KIF14: variants seen among roughly 807,000 people sequenced by gnomAD.
The protein encoded by KIF14 is kinesin-like protein KIF14.
A neutral mutation model predicts 176.2 loss-of-function variants in KIF14; 98 were observed. The ratio of observed to expected loss-of-function variants is 0.56; its 90% confidence interval spans 0.47 to 0.66. The LOEUF is 0.66. Among genes scored for constraint, KIF14 ranks in the 30% least tolerant of loss-of-function variants. The pLI, the probability that KIF14 is intolerant of heterozygous loss-of-function variation, is 0.00. For missense variants in KIF14, 1,751 were observed against 1,920.4 expected (o/e 0.91, Z 1.65); for synonymous variants, 566 against 632.2 (o/e 0.90, Z 1.57).
chr1:200,595,927 A>T (rs138810625), intron 14 of KIF14, among the ~76,000 whole-genome samples: 3,198 of 135,282 alleles, frequency 0.024, 42 homozygotes, highest in Non-Finnish European at 0.035. Context: ...GTGAGACTCC[A>T]TCTCCAAAAA....
intron 3 of KIF14, among the ~76,000 whole-genome samples, chr1:200,614,873 A>T (rs1660334913): frequency 6.7e-6 from 1 of 148,664 alleles, no homozygotes; most frequent in Non-Finnish European, 1.5e-5. Context: ...TAGGACAGGT[A>T]TTATTATCAT....
At chr1:200,556,933 G>A (rs540059278) in intron 27 of KIF14, among the ~76,000 whole-genome samples, 3 of 152,316 alleles carry the variant, frequency 2.0e-5, no homozygotes, top group South Asian at 2.1e-4. Context: ...CTATTTGAGC[G>A]CAAGCTTGAT....
Position 200,553,454 on chromosome 1 carries a change from C to T in KIF14, c.4881G>A (p.Glu1627=), listed in dbSNP as rs771647826. The stretch of plus-strand genomic sequence containing the variant: ...TCACTGCTGGGGATGAGCCATGGAG[C>T]TCATAGACACGCTTTGGTACACCTT... ...KNKGVPKRVY[E]LHGSSPAVSS... is the part of the protein sequence containing the mutation. Residue 1627 remains glutamate, a synonymous_variant, in exon 30 of 30, where the codon GAG becomes GAA. Coordinates refer to ENST00000367350, the MANE Select transcript of KIF14 (RefSeq NM_014875.3). 6.2e-7 allele frequency: 1 copy of T among 1,614,066 alleles called. No individual in the cohort carries two copies. The highest frequency in any genetic ancestry group is 8.5e-7 in the Non-Finnish European group (1 of 1,180,012).
chr1:200,579,731 T>C (rs1658341778), intron 21 of KIF14, among the ~76,000 whole-genome samples: 1 of 152,130 alleles, frequency 6.6e-6, no homozygotes, highest in African/African-American at 2.4e-5. Context: ...ATATGTTTAG[T>C]TTCATTTTGG....
Position 200,580,293 on chromosome 1 carries a change from C to A in KIF14, c.3426G>T (p.Lys1142Asn). 1 of 1,503,112 alleles carries A rather than the reference C, an allele frequency of 6.7e-7. No individual in the cohort carries two copies. The highest frequency in any genetic ancestry group is 2.0e-5 in the Admixed American group (1 of 51,220). 93.1% of individuals were successfully genotyped at this position (1,503,112 alleles called of 1,614,324 possible). The change falls in exon 21 of 30, where the codon AAG (lysine) becomes AAT (asparagine). Residue 1142 changes from lysine to asparagine, a missense_variant. Lys to Asn is a moderately conservative substitution (Grantham distance 94). Coordinates refer to ENST00000367350, the MANE Select transcript of KIF14 (RefSeq NM_014875.3). Reference protein sequence around the residue: ...LGISTFWSLEKFESKLAAMKE... With the variant: ...LGISTFWSLENFESKLAAMKE... ...TCATTGCTGCAAGTTTAGATTCAAA[C>A]TTTTCCAGACTCCAGAATGTTGAGA... is the stretch of plus-strand genomic sequence containing the variant.
chr1:200,602,929 C>T lies in KIF14; in HGVS notation c.1979+297G>A, dbSNP rs565563978. Among the ~76,000 whole-genome samples, 17 of 152,278 alleles carry T rather than the reference C, an allele frequency of 1.1e-4. 1 individual carries two copies. In the South Asian group the frequency reaches 2.5e-3, roughly 22 times the overall value. On this transcript the variant is annotated intron_variant, in intron 10 of 29. Transcript: ENST00000367350. ...AACAGTTATTTACACTCATATAGTA[C>T]ATATTATGTATTAAGAATTGTACAC...
chr1:200,609,594 A>G (rs1017142529), intron 4 of KIF14, among the ~76,000 whole-genome samples: 1 of 152,226 alleles, frequency 6.6e-6, no homozygotes, highest in Non-Finnish European at 1.5e-5. Flanking sequence ...GGTTGCAGTG[A>G]GCTGAGATTG....
chr1:200,562,004 A>G (rs553126010), intron 25 of KIF14, among the ~76,000 whole-genome samples: 3 of 152,314 alleles, frequency 2.0e-5, no homozygotes, highest in Non-Finnish European at 4.4e-5. Context: ...ATAAAAAAGG[A>G]ATGAGGAAGC....
chr1:200,553,512 G>C lies in KIF14; in HGVS notation c.4823C>G (p.Ser1608Cys). 5.0e-6 allele frequency: 8 copies of C among 1,614,008 alleles called. No individual in the cohort carries two copies. Among genetic ancestry groups the C allele is most frequent in the Non-Finnish European group, 6.8e-6 (8 of 1,180,000 alleles). The change falls in exon 30 of 30, where the codon TCT becomes TGT. Residue 1608 changes from serine (S) to cysteine (C), a missense_variant. Ser to Cys is a moderately radical substitution (Grantham distance 112). Coordinates refer to ENST00000367350, the MANE Select transcript of KIF14 (RefSeq NM_014875.3). The part of the protein sequence containing the change: ...NQNTKEEHQQ[S>C]KSSGIDGSKN... ...ACTGCCGTCAATCCCGCTTGATTTAGATTGTTGGTGTTCTTCTTTGGTATT... is the reference window on the plus strand; with the variant it reads ...ACTGCCGTCAATCCCGCTTGATTTACATTGTTGGTGTTCTTCTTTGGTATT...
intron 14 of KIF14, among the ~76,000 whole-genome samples, 163 bp from the exon 15 acceptor site, chr1:200,593,932 T>TTTTG (rs1659185842): frequency 7.2e-6 from 1 of 139,590 alleles, no homozygotes; most frequent in South Asian, 2.4e-4. Flanking sequence ...AACTAGTTTT[T>TTTTG]TTTTTTTTTT....
chr1:200,570,439 C>T (rs1401136649), intron 22 of KIF14, among the ~76,000 whole-genome samples: 1 of 152,152 alleles, frequency 6.6e-6, no homozygotes, highest in African/African-American at 2.4e-5. Context: ...AGCAGTAACC[C>T]TCAAGGATAA....
At chr1:200,596,888 CTTTTTTTTT>C (rs993346438) in intron 14 of KIF14, among the ~76,000 whole-genome samples, 2 of 99,220 alleles carry the variant, frequency 2.0e-5, no homozygotes, top group Admixed American at 2.5e-4. Context: ...CTCTCTCTCT[CTTTTTTTTT>C]TTTTTTTTTT....
Position 200,553,576 on chromosome 1 carries a change from T to A in KIF14, c.4759A>T (p.Ser1587Cys), listed in dbSNP as rs1436314187. 6.2e-7 allele frequency: 1 copy of A among 1,614,062 alleles called. No homozygotes were observed. The highest frequency in any genetic ancestry group is 8.5e-7 in the Non-Finnish European group (1 of 1,179,990). The change falls in exon 30 of 30, where the codon AGC becomes TGC. Residue 1587 changes from serine to cysteine, a missense_variant. Ser to Cys is a moderately radical substitution (Grantham distance 112). Coordinates refer to ENST00000367350, the MANE Select transcript of KIF14 (RefSeq NM_014875.3). ...SLLFCFESEE[S>C]PDLLKPWETY... ...TCCCAGGGTTTCAACAAATCAGGGC[T>A]TTCTTCAGATTCAAAACAAAAGAGG...
At chr1:200,574,937 ATTTTT>A (rs35584654) in intron 22 of KIF14, among the ~76,000 whole-genome samples, 4 of 110,680 alleles carry the variant, frequency 3.6e-5, no homozygotes, top group Non-Finnish European at 5.3e-5. Flanking sequence ...AGAAAGGGTA[ATTTTT>A]TTTTTTTTTT....
At chr1:200,565,043 A>C (rs377481451) in intron 25 of KIF14, 26 bp downstream of exon 25, 125 of 1,557,268 alleles carry the variant, frequency 8.0e-5, no homozygotes, top group Non-Finnish European at 1.0e-4. Context: ...TGAATCCTTC[A>C]AATGATAATA....
At chr1:200,579,565 C>T (rs1373004505) in intron 21 of KIF14, among the ~76,000 whole-genome samples, 8 of 150,948 alleles carry the variant, frequency 5.3e-5, no homozygotes, top group African/African-American at 1.7e-4. Context: ...GCTGAGATTG[C>T]ACCACTGCAC....
intron 17 of KIF14, 46 bp downstream of exon 17, chr1:200,590,079 G>T: frequency 6.4e-7 from 1 of 1,562,572 alleles, no homozygotes; most frequent in South Asian, 1.2e-5. Context: ...ACATCACTTG[G>T]GGTACACTGT....
intron 7 of KIF14, 75 bp from the exon 8 acceptor site, chr1:200,605,465 T>C (rs1161546301): frequency 1.0e-6 from 1 of 998,778 alleles, no homozygotes; most frequent in African/African-American, 1.6e-5. Context: ...AGAGACAACA[T>C]ATACACATTT....
Position 200,589,254 on chromosome 1 carries a change from T to C in KIF14, c.3077A>G (p.Lys1026Arg). Reference sequence around the variant, plus strand: ...CAATGTTTCCATTTCTAATCGCTTTTTGTTGACATATATTTCCTGTTCAAG... The same window carrying C: ...CAATGTTTCCATTTCTAATCGCTTTCTGTTGACATATATTTCCTGTTCAAG... ...QHLEQEIYVN[K>R]KRLEMETLAT... Residue 1026 changes from lysine to arginine, a missense_variant, in exon 18 of 30, where the codon AAA becomes AGA. Coordinates refer to ENST00000367350, the MANE Select transcript of KIF14 (RefSeq NM_014875.3). 1.2e-6 allele frequency: 2 copies of C among 1,610,694 alleles called. No homozygotes were observed. Among genetic ancestry groups the C allele is most frequent in the Non-Finnish European group, 1.7e-6 (2 of 1,177,822 alleles).
Sources: allele counts gnomAD v4.1 joint callset (sites outside exome capture counted in the v4.1 genomes callset), GRCh38; gene constraint gnomAD v4.1.1; transcripts MANE v1.5; gene names NCBI Gene and HGNC (gene_info 2026-07-23, HGNC 2026-07-21).